GGT5: variants seen among roughly 807,000 people sequenced by gnomAD.
GGT5 encodes the protein glutathione hydrolase 5 proenzyme.
In GGT5, 50 loss-of-function variants were observed where a neutral mutation model predicts 58.1. The ratio of observed to expected loss-of-function variants is 0.86; its 90% CI spans 0.69 to 1.09. The LOEUF (loss-of-function observed/expected upper bound fraction) is 1.09, where lower values mean the gene tolerates loss of function less well. Among genes scored for constraint, GGT5 ranks in the 50% least tolerant of loss-of-function variants. The probability of loss-of-function intolerance (pLI) is 0.00; values close to 1 mark genes in which losing one functional copy is unlikely to be tolerated. For missense variants in GGT5, 800 were observed against 789.4 expected (o/e 1.01, Z -0.16); for synonymous variants, 370 against 346.1 (o/e 1.07, Z -0.77).
At chr22:24,241,158 A>T in intron 1 of GGT5, 4 of 9,590 alleles carry the variant, frequency 4.2e-4, no homozygotes, top group African/African-American at 5.0e-4. Context: ...ACTCCATCTC[A>T]AAAAAAAAAA....
intron 6 of GGT5, 26 bp downstream of exon 6, chr22:24,231,358 G>T (rs755931265): frequency 2.7e-6 from 4 of 1,508,882 alleles, no homozygotes; most frequent in African/African-American, 1.4e-5. Context: ...GGGGGTGGGC[G>T]CCAGGGCTCT....
rs146390000 is a variant in GGT5 at position 24,244,295 on chromosome 22, G to GCA, written c.173+256_173+257dup. ...TCCTGCTTCCTGGGCCAGTGCACGTGCACACACACACACACACACACCCAC... is the reference window on the plus strand; with the variant it reads ...TCCTGCTTCCTGGGCCAGTGCACGTGCACACACACACACACACACACACCCAC... On this transcript the variant is annotated intron_variant, in intron 1 of 11. Coordinates refer to ENST00000327365, the MANE Select transcript of GGT5 (RefSeq NM_004121.5). 2.2e-3 allele frequency: 860 copies of GCA among 398,664 alleles called. 2 individuals are homozygous for GCA. The highest frequency in any genetic ancestry group is 3.6e-3 in the South Asian group (95 of 26,234). The allele number at this position is 398,664 out of a possible 1,614,324, so 24.7% of individuals were successfully genotyped here.
In GGT5 at chr22:24,225,763, T is replaced by G. The variant is rs999878962; in HGVS notation, c.1230-111A>C. 6.8e-6 allele frequency: 5 copies of G among 731,022 alleles called. No individual in the cohort carries two copies. In the African/African-American group the frequency reaches 8.7e-5, roughly 13 times the overall value. 45.3% of individuals were successfully genotyped at this position (731,022 alleles called of 1,614,324 possible). On this transcript the variant is annotated intron_variant, in intron 8 of 11. Transcript: ENST00000327365. ...CTCGTTTTACAGCTGCCCCGAAGCA[T>G]GCTGAAGCCGCTATTCTCTCCCTGG...
chr22:24,221,454 G>A (rs1188557394), intron 11 of GGT5, among the ~76,000 whole-genome samples: 7 of 152,116 alleles, frequency 4.6e-5, no homozygotes, highest in African/African-American at 7.2e-5. Flanking sequence ...ACCCAGGAAC[G>A]GACTCAGCTC....
chr22:24,226,983 C>G (rs1219711704), intron 6 of GGT5, among the ~76,000 whole-genome samples: 1 of 132,210 alleles, frequency 7.6e-6, no homozygotes, highest in African/African-American at 2.8e-5. Flanking sequence ...GAGTCTCACT[C>G]TATTGCCCAG....
chr22:24,224,168 G>A (rs1221412282), intron 11 of GGT5, among the ~76,000 whole-genome samples: 2 of 152,014 alleles, frequency 1.3e-5, no homozygotes, highest in Non-Finnish European at 2.9e-5. Flanking sequence ...TCAGCCAGAA[G>A]AATTCAGCCC....
Position 24,219,806 on chromosome 22 carries a change from A to T in GGT5, c.*164T>A, listed in dbSNP as rs2047535791. 6.5e-5 allele frequency: 42 copies of T among 649,626 alleles called. No homozygotes were observed. The South Asian group carries it at 7.7e-4, about 12-fold the overall frequency. 40.2% of individuals were successfully genotyped at this position (649,626 alleles called of 1,614,324 possible). ...GGAAAGGGGGTTAGGGATGAGGCTC[A>T]GCCTCTCATCTGCCCAGCTGGTCCC... On this transcript the variant is annotated 3_prime_UTR_variant, in exon 12 of 12. Coordinates refer to ENST00000327365, the MANE Select transcript of GGT5 (RefSeq NM_004121.5).
chr22:24,231,461 AG>A lies in GGT5; in HGVS notation c.823del (p.Leu275TrpfsTer25). ...TGGTGAGTACAGGGTATAGTCCCCC[AG>A]GGGCACCTCCAGGGCATCCACCACC... Reference protein sequence around the residue: ...PEVVDALEVPLGDYTLYSPPP... With the variant: ...PEVVDALEVPXGDYTLYSPPP... On this transcript the variant is annotated frameshift_variant, in exon 6 of 12. Coordinates refer to ENST00000327365, the MANE Select transcript of GGT5 (RefSeq NM_004121.5). LOFTEE classifies it high-confidence loss of function. 6.4e-7 allele frequency: 1 copy of A among 1,573,888 alleles called. No homozygotes were observed. The highest frequency in any genetic ancestry group is 8.6e-7 in the Non-Finnish European group (1 of 1,159,402).
chr22:24,238,866 AT>A (rs1324181498), intron 1 of GGT5, among the ~76,000 whole-genome samples: 3 of 9,088 alleles, frequency 3.3e-4, no homozygotes, highest in Non-Finnish European at 4.9e-4. Flanking sequence ...TATATATATA[AT>A]ATATATAATA....
intron 1 of GGT5, among the ~76,000 whole-genome samples, chr22:24,239,430 C>A (rs2048270042): frequency 6.6e-6 from 1 of 151,904 alleles, no homozygotes; most frequent in Admixed American, 6.6e-5. Context: ...AAAATGATAT[C>A]TTGTGGGGCT....
chr22:24,231,361 A>C, intron 6 of GGT5, 23 bp downstream of exon 6: 1 of 1,519,412 alleles, frequency 6.6e-7, no homozygotes, highest in Non-Finnish European at 8.9e-7. Flanking sequence ...GGTGGGCGCC[A>C]GGGCTCTGGG....
Position 24,226,249 on chromosome 22 carries a change from C to A in GGT5, c.1056G>T (p.Leu352=). The change falls in exon 8 of 12, where the codon CTG becomes CTT. Residue 352 remains leucine (L), a synonymous_variant. Coordinates refer to ENST00000327365, the MANE Select transcript of GGT5 (RefSeq NM_004121.5). ...TGAGCTGGGCCAGGGTCTCCCCCAG[C>A]AGGTCCCGGGAGGCATTCTGGGGTG... ...HPKLQNASRD[L]LGETLAQLIR... 1 of 1,603,182 alleles carries A rather than the reference C, an allele frequency of 6.2e-7. No homozygotes were observed.
chr22:24,221,543 C>T (rs1421667125), intron 11 of GGT5, among the ~76,000 whole-genome samples: 1 of 152,152 alleles, frequency 6.6e-6, no homozygotes. Flanking sequence ...GATGGAGTCC[C>T]GCTCTGTCAC....
At chr22:24,234,080 C>T in intron 1 of GGT5, 76 bp from the exon 2 acceptor site, 1 of 1,443,512 alleles carries the variant, frequency 6.9e-7, no homozygotes, top group Non-Finnish European at 9.4e-7. Flanking sequence ...AGCTGGCACT[C>T]ATTGGAGAAT....
intron 11 of GGT5, among the ~76,000 whole-genome samples, chr22:24,221,977 G>A (rs2047603017): frequency 6.6e-6 from 1 of 151,258 alleles, no homozygotes; most frequent in Admixed American, 6.6e-5. Flanking sequence ...TCAGGAGTTT[G>A]AGACCAGCCT....
At chr22:24,238,880 TA>T (rs1261577445) in intron 1 of GGT5, among the ~76,000 whole-genome samples, 1 of 14,214 alleles carries the variant, frequency 7.0e-5, no homozygotes, top group Admixed American at 1.5e-3. Context: ...ATATAATATA[TA>T]TTATATATTT....
intron 1 of GGT5, among the ~76,000 whole-genome samples, chr22:24,240,640 A>C (rs767544837): frequency 1.3e-5 from 2 of 151,962 alleles, no homozygotes; most frequent in Non-Finnish European, 2.9e-5. Flanking sequence ...AAGTGTGCCA[A>C]CTTAGAATTA....
intron 5 of GGT5, 133 bp downstream of exon 5, chr22:24,231,918 A>C: frequency 1.4e-6 from 1 of 738,422 alleles, no homozygotes; most frequent in African/African-American, 1.7e-5. Flanking sequence ...AGCTAGGTGC[A>C]TGGCCTCTCG....
At chr22:24,233,131 C>G in intron 3 of GGT5, 113 bp from the exon 4 acceptor site, 1 of 760,064 alleles carries the variant, frequency 1.3e-6, no homozygotes, top group Non-Finnish European at 2.0e-6. Flanking sequence ...TTTCTGGAGC[C>G]CACACCCGAC....
Sources: allele counts gnomAD v4.1 joint callset (sites outside exome capture counted in the v4.1 genomes callset), GRCh38; gene constraint gnomAD v4.1.1; transcripts MANE v1.5; gene names NCBI Gene and HGNC (gene_info 2026-07-23, HGNC 2026-07-21).